Variants in SUFU observed in about 807,000 individuals in gnomAD.
SUFU encodes SUFU negative regulator of hedgehog signaling, also known as suppressor of fused homolog.
In SUFU, 7 loss-of-function variants were observed where a neutral mutation model predicts 58.9. That is an observed-to-expected ratio of 0.12 (90% CI 0.07 to 0.22). The LOEUF (loss-of-function observed/expected upper bound fraction) is 0.22, where lower values mean the gene tolerates loss of function less well. Ranked by LOEUF, SUFU falls within the 10% of genes least tolerant of loss-of-function variation. SUFU has a pLI of 1.00. For synonymous variants in SUFU, 232 were observed against 254.8 expected (o/e 0.91, Z 0.85); for missense variants, 451 against 641.3 (o/e 0.70, Z 3.20).
intron 1 of SUFU, among the ~76,000 whole-genome samples, chr10:102,505,810 GAGTGGAA>G (rs1308441862): frequency 6.6e-6 from 1 of 152,166 alleles, no homozygotes; most frequent in Admixed American, 6.5e-5. Flanking sequence ...GAGCGCTTCT[GAGTGGAA>G]AGCAGCTCTT....
chr10:102,541,697 C>CTTTTTTT (rs869264798), intron 2 of SUFU, among the ~76,000 whole-genome samples: 8 of 56,082 alleles, frequency 1.4e-4, no homozygotes, highest in African/African-American at 1.5e-4. Flanking sequence ...CCGCGCCCGG[C>CTTTTTTT]TTTTTTTTTT....
At chr10:102,509,586 C>T (rs564731446) in intron 2 of SUFU, among the ~76,000 whole-genome samples, 2 of 152,288 alleles carry the variant, frequency 1.3e-5, no homozygotes, top group East Asian at 1.9e-4. Flanking sequence ...GGTTATGACT[C>T]AGAACTTGGG....
chr10:102,530,497 C>T (rs998730398), intron 2 of SUFU, among the ~76,000 whole-genome samples: 2 of 149,200 alleles, frequency 1.3e-5, no homozygotes, highest in East Asian at 2.0e-4. Flanking sequence ...CTCTGTTGCC[C>T]AGCCTGAGTG....
At chr10:102,586,979 T>G (rs1444260320) in intron 3 of SUFU, among the ~76,000 whole-genome samples, 1 of 152,282 alleles carries the variant, frequency 6.6e-6, no homozygotes, top group Non-Finnish European at 1.5e-5. Flanking sequence ...GTGTCTAGCT[T>G]ATTTCACTTA....
chr10:102,552,569 G>GA (rs370151268), intron 3 of SUFU, among the ~76,000 whole-genome samples: 1 of 151,414 alleles, frequency 6.6e-6, no homozygotes, highest in Non-Finnish European at 1.5e-5. Flanking sequence ...ATCCTGAATT[G>GA]AAAAAAAAGG....
In SUFU at chr10:102,628,918, G is replaced by A. The variant is rs979145751; in HGVS notation, c.1366-1148G>A. Among the ~76,000 whole-genome samples, 1 of 152,200 alleles carries A rather than the reference G, an allele frequency of 6.6e-6. No individual in the cohort carries two copies. The highest frequency in any genetic ancestry group is 6.5e-5 in the Admixed American group (1 of 15,278). The stretch of plus-strand genomic sequence containing the variant: ...TGTCTGTAATCCCAGCACTTTGGGA[G>A]GCCGAGGCAGGTGGATCACCTGAGG... On this transcript the variant is annotated intron_variant, in intron 11 of 11. Coordinates refer to ENST00000369902, the MANE Select transcript of SUFU (RefSeq NM_016169.4). This position sits in a 1 kb window ranked among gnomAD's most constrained non-coding sequence, Gnocchi z 4.5.
intron 8 of SUFU, among the ~76,000 whole-genome samples, chr10:102,614,735 G>T (rs1478590542): frequency 6.6e-6 from 1 of 150,480 alleles, no homozygotes; most frequent in Non-Finnish European, 1.5e-5. Context: ...AATTAGCTGG[G>T]TGTAGTGGTG....
At chr10:102,520,212 C>CTTTTTTTTTTTTT (rs36020604) in intron 2 of SUFU, among the ~76,000 whole-genome samples, 3 of 113,554 alleles carry the variant, frequency 2.6e-5, no homozygotes, top group Non-Finnish European at 3.7e-5. Flanking sequence ...TTTTTTCTTT[C>CTTTTTTTTTTTTT]TTTTTTTTTT....
At chr10:102,530,061 T>G (rs1167138307) in intron 2 of SUFU, among the ~76,000 whole-genome samples, 5 of 152,160 alleles carry the variant, frequency 3.3e-5, no homozygotes, top group Non-Finnish European at 7.3e-5. Context: ...GAGATGAGTG[T>G]TCTTCTCCCA....
At chr10:102,504,480 G>A (rs2062297205) in intron 1 of SUFU, 146 bp downstream of exon 1, 2 of 1,488,158 alleles carry the variant, frequency 1.3e-6, no homozygotes, top group African/African-American at 1.4e-5. Flanking sequence ...GAGGGAAGGA[G>A]TTAAGGCTCA....
intron 3 of SUFU, among the ~76,000 whole-genome samples, chr10:102,586,688 G>A (rs1192629473): frequency 6.6e-6 from 1 of 152,280 alleles, no homozygotes; most frequent in East Asian, 1.9e-4. Flanking sequence ...AAAAGAAATT[G>A]TGATTAAATA....
At chr10:102,543,904 C>T (rs1479481839) in intron 2 of SUFU, among the ~76,000 whole-genome samples, 1 of 152,184 alleles carries the variant, frequency 6.6e-6, no homozygotes, top group Non-Finnish European at 1.5e-5. Context: ...GGTTAAATAG[C>T]TTGCCTCTGG....
chr10:102,630,426 C>A lies in SUFU; in HGVS notation c.*271C>A. On this transcript the variant is annotated 3_prime_UTR_variant, in exon 12 of 12. Coordinates refer to ENST00000369902, the MANE Select transcript of SUFU (RefSeq NM_016169.4). ...AATGCGGACCCTCCCTGCCTGCAGC[C>A]TGCACAGATTCTGGTTTGAGGTTTG... 3 of 519,986 alleles carry A rather than the reference C, an allele frequency of 5.8e-6. No individual in the cohort carries two copies. The Admixed American group carries it at 9.6e-5, about 17-fold the overall frequency. 32.2% of individuals were successfully genotyped at this position (519,986 alleles called of 1,614,324 possible).
At chr10:102,581,580 C>T (rs118106459) in intron 3 of SUFU, among the ~76,000 whole-genome samples, 5 of 152,160 alleles carry the variant, frequency 3.3e-5, no homozygotes, top group Non-Finnish European at 7.4e-5. Flanking sequence ...CCACCATGGC[C>T]GCAGCAGTAG....
intron 3 of SUFU, among the ~76,000 whole-genome samples, chr10:102,565,938 T>C (rs1278017109): frequency 6.6e-6 from 1 of 152,214 alleles, no homozygotes; most frequent in Non-Finnish European, 1.5e-5. Context: ...TTTAATTGGT[T>C]GGCTCTTTCA....
intron 7 of SUFU, 150 bp downstream of exon 7, chr10:102,597,443 C>T: frequency 9.0e-7 from 1 of 1,105,784 alleles, no homozygotes; most frequent in South Asian, 1.7e-5. Context: ...TGAAGTCTTC[C>T]AGCAGGGCGG....
chr10:102,590,939 T>C (rs2063393640), intron 3 of SUFU: 1 of 152,166 alleles, frequency 6.6e-6, no homozygotes, highest in Non-Finnish European at 1.5e-5. Flanking sequence ...CCTTCTCCTC[T>C]CCCCTGTATT....
chr10:102,545,115 T>A (rs2062840729), intron 2 of SUFU, among the ~76,000 whole-genome samples: 2 of 151,814 alleles, frequency 1.3e-5, no homozygotes, highest in South Asian at 4.2e-4. Flanking sequence ...TTTTCTTTTT[T>A]CTTTTTTTTT....
At chr10:102,615,764 G>A (rs2063680154) in intron 9 of SUFU, among the ~76,000 whole-genome samples, 1 of 152,168 alleles carries the variant, frequency 6.6e-6, no homozygotes, top group Admixed American at 6.5e-5. Context: ...ATGCTTCCTA[G>A]AGCGGGGCTC....
Sources: gnomAD v4.1 joint callset for allele counts (sites outside exome capture counted in the v4.1 genomes callset) on GRCh38, gnomAD v4.1.1 for gene constraint, Gnocchi (gnomAD v3.1) non-coding constraint, MANE v1.5 for transcripts, NCBI Gene and HGNC (gene_info 2026-07-23, HGNC 2026-07-21) for gene names.